The following ASPRV1 variants were observed in gnomAD, a reference collection of about 807,000 sequenced individuals.
ASPRV1 encodes the protein aspartic peptidase retroviral like 1.
Under a neutral mutation model 11.0 loss-of-function variants are expected in ASPRV1, and 7 were observed. That is an observed-to-expected ratio of 0.64 (90% CI 0.36 to 1.20). The LOEUF (loss-of-function observed/expected upper bound fraction) is 1.20, where lower values mean the gene tolerates loss of function less well. Ranked by LOEUF, ASPRV1 falls within the 50% of genes most tolerant of loss-of-function variation. ASPRV1 has a pLI of 0.02. For synonymous variants in ASPRV1, 136 were observed against 138.4 expected (o/e 0.98, Z 0.12); for missense variants, 299 against 320.0 (o/e 0.93, Z 0.50).
At chr2:69,937,882 G>A in the ASPRV1 span, among the ~76,000 whole-genome samples, 15 of 152,274 alleles carry the variant, frequency 9.9e-5, no homozygotes, top group African/African-American at 3.6e-4. Flanking sequence ...CCAAAGTGCT[G>A]GGATTACAGG....
At chr2:69,979,104 G>A in the ASPRV1 span, among the ~76,000 whole-genome samples, 123 of 151,346 alleles carry the variant, frequency 8.1e-4, no homozygotes, top group Middle Eastern at 3.4e-3. Context: ...GTGTGATCTC[G>A]GCTCACCGCA....
the ASPRV1 span, among the ~76,000 whole-genome samples, chr2:70,004,240 A>G: frequency 1.3e-5 from 2 of 152,134 alleles, no homozygotes; most frequent in Admixed American, 6.5e-5. Flanking sequence ...TGTTTTTAAG[A>G]GGTGGGGTAA....
At chr2:70,079,568 A>T in the ASPRV1 span, among the ~76,000 whole-genome samples, 1 of 152,186 alleles carries the variant, frequency 6.6e-6, no homozygotes, top group Non-Finnish European at 1.5e-5. Context: ...ATGGAGAGTG[A>T]GGAGATGAAG....
the ASPRV1 span, among the ~76,000 whole-genome samples, chr2:70,065,151 G>A: frequency 6.6e-6 from 1 of 151,756 alleles, no homozygotes. Flanking sequence ...GCTCATGCCT[G>A]TAATCCCAGC....
chr2:70,020,615 A>G, the ASPRV1 span, among the ~76,000 whole-genome samples: 1 of 152,252 alleles, frequency 6.6e-6, no homozygotes, highest in African/African-American at 2.4e-5. Flanking sequence ...GGTGGCACGC[A>G]TCTGTAATCC....
chr2:70,051,526 T>G, the ASPRV1 span, among the ~76,000 whole-genome samples: 5 of 152,222 alleles, frequency 3.3e-5, no homozygotes. Flanking sequence ...ATATCAAGTG[T>G]TTATCATAGA....
At chr2:70,043,728 C>T in the ASPRV1 span, among the ~76,000 whole-genome samples, 1 of 152,196 alleles carries the variant, frequency 6.6e-6, no homozygotes, top group Non-Finnish European at 1.5e-5. Flanking sequence ...GGAAGCTGTG[C>T]CTCCCCCTTC....
chr2:70,073,679 G>A, the ASPRV1 span, among the ~76,000 whole-genome samples: 1 of 152,162 alleles, frequency 6.6e-6, no homozygotes, highest in Non-Finnish European at 1.5e-5. Flanking sequence ...TTTTCATTAT[G>A]TGTACCCAAG....
At chr2:69,943,855 G>A in the ASPRV1 span, among the ~76,000 whole-genome samples, 1 of 152,174 alleles carries the variant, frequency 6.6e-6, no homozygotes, top group Admixed American at 6.5e-5. Flanking sequence ...CTTTTTCGGA[G>A]TCAAGAGGAG....
chr2:70,068,628 C>T, the ASPRV1 span, among the ~76,000 whole-genome samples: 1 of 152,152 alleles, frequency 6.6e-6, no homozygotes, highest in Non-Finnish European at 1.5e-5. Flanking sequence ...AAGATGAAGG[C>T]AAGTTAAAGC....
chr2:70,085,806 T>G, the ASPRV1 span: 1 of 152,254 alleles, frequency 6.6e-6, no homozygotes, highest in Non-Finnish European at 1.5e-5. Flanking sequence ...AAACTATTAA[T>G]AAGATTCACC....
the ASPRV1 span, among the ~76,000 whole-genome samples, chr2:69,950,936 C>A: frequency 2.0e-5 from 3 of 149,988 alleles, no homozygotes; most frequent in African/African-American, 7.3e-5. Flanking sequence ...TGAAAGTTTA[C>A]AAAACAGAAA....
chr2:70,026,134 C>T, the ASPRV1 span, among the ~76,000 whole-genome samples: 2 of 152,192 alleles, frequency 1.3e-5, no homozygotes, highest in South Asian at 4.1e-4. Flanking sequence ...ACCAGCCTAA[C>T]ATGGTGAAAC....
upstream of ASPRV1, chr2:69,961,965 A>C: frequency 2.6e-6 from 1 of 383,150 alleles, no homozygotes; most frequent in Non-Finnish European, 4.9e-6. Context: ...CCAGACGCCC[A>C]TCAGCTCAGA....
downstream of ASPRV1, among the ~76,000 whole-genome samples, chr2:69,956,478 A>AGAAGAAGAAGAAGAAGAAGAAG (rs780393687): frequency 8.0e-6 from 1 of 124,468 alleles, no homozygotes; most frequent in South Asian, 2.6e-4. Context: ...AAGAAGAAGA[A>AGAAGAAGAAGAAGAAGAAGAAG]AAGAGGAAGA....
chr2:69,945,613 G>A, the ASPRV1 span, among the ~76,000 whole-genome samples: 1 of 152,230 alleles, frequency 6.6e-6, no homozygotes, highest in Non-Finnish European at 1.5e-5. Context: ...CAGACGGCAG[G>A]GCAGGCTCTA....
At chr2:69,969,595 C>A in the ASPRV1 span, among the ~76,000 whole-genome samples, 2 of 152,112 alleles carry the variant, frequency 1.3e-5, no homozygotes, top group Non-Finnish European at 2.9e-5. Flanking sequence ...CCCCCTCATT[C>A]CACACACTCT....
At chr2:70,003,250 G>A in the ASPRV1 span, 1 of 152,220 alleles carries the variant, frequency 6.6e-6, no homozygotes, top group South Asian at 2.1e-4. Context: ...TGGAGGCCAA[G>A]CCCAGACTTC....
the ASPRV1 span, among the ~76,000 whole-genome samples, chr2:70,063,530 C>T: frequency 6.6e-6 from 1 of 152,130 alleles, no homozygotes; most frequent in Non-Finnish European, 1.5e-5. Context: ...ACTCCCTTCA[C>T]CCTGTCTGAA....
Sources: allele counts gnomAD v4.1 joint callset (sites outside exome capture counted in the v4.1 genomes callset), GRCh38; gene constraint gnomAD v4.1.1; transcripts MANE v1.5; gene names NCBI Gene and HGNC (gene_info 2026-07-23, HGNC 2026-07-21).